The following GLRA3 variants were observed in gnomAD, a reference collection of about 807,000 sequenced individuals.
GLRA3 encodes glycine receptor alpha 3, also known as glycine receptor subunit alpha-3.
GLRA3 carries 44 observed loss-of-function variants against 60.4 expected under a neutral mutation model. That is an observed-to-expected ratio of 0.73 (90% CI 0.57 to 0.94). The LOEUF (loss-of-function observed/expected upper bound fraction) is 0.94, where lower values mean the gene tolerates loss of function less well. GLRA3 is among the 40% of genes least tolerant of loss of function. The probability of loss-of-function intolerance (pLI) is 0.00; values close to 1 mark genes in which losing one functional copy is unlikely to be tolerated. For synonymous variants in GLRA3, 223 were observed against 192.9 expected, an observed-to-expected ratio of 1.16 and a Z score of -1.29; for missense variants, 508 against 564.6, an observed-to-expected ratio of 0.90 and a Z score of 1.02.
intron 1 of GLRA3, among the ~76,000 whole-genome samples, chr4:174,823,018 G>T (rs1318823107): frequency 6.6e-6 from 1 of 152,154 alleles, no homozygotes; most frequent in East Asian, 1.9e-4. Flanking sequence ...TTGAAAATGT[G>T]TGTTGTTGCC....
At chr4:174,802,122 G>C (rs892110038) in intron 1 of GLRA3, among the ~76,000 whole-genome samples, 14 of 151,904 alleles carry the variant, frequency 9.2e-5, no homozygotes, top group Admixed American at 6.6e-5. Context: ...GTCATGCTTT[G>C]AGTACATGTT....
intron 5 of GLRA3, among the ~76,000 whole-genome samples, chr4:174,691,971 C>T (rs999868356): frequency 1.3e-4 from 20 of 152,024 alleles, no homozygotes; most frequent in African/African-American, 3.4e-4. Flanking sequence ...GGCCGCCCAT[C>T]GTCTGAGATA....
chr4:174,696,365 A>T (rs908448818), intron 5 of GLRA3, among the ~76,000 whole-genome samples: 1 of 151,322 alleles, frequency 6.6e-6, no homozygotes, highest in Non-Finnish European at 1.5e-5. Flanking sequence ...AAGAAAAACA[A>T]ATTTTATTAT....
intron 4 of GLRA3, among the ~76,000 whole-genome samples, chr4:174,726,720 A>G (rs147967014): frequency 6.6e-6 from 1 of 152,230 alleles, no homozygotes; most frequent in African/African-American, 2.4e-5. Flanking sequence ...GCATCTCCCT[A>G]AGTTTGTTAT....
At chr4:174,783,285 G>A (rs2111286584) in intron 2 of GLRA3, among the ~76,000 whole-genome samples, 1 of 142,528 alleles carries the variant, frequency 7.0e-6, no homozygotes, top group African/African-American at 2.6e-5. Context: ...GCTGAAACTG[G>A]AACCCTTCCT....
At position 174,677,245 on chromosome 4, in the gene GLRA3, C is replaced by A; in HGVS notation, c.760G>T (p.Gly254Ter). ...ATGTACATCTGGATCAGATAGTATC[C>A]CATTTGTCGCTCCAGATGGAATCGC... Reference protein sequence around the residue: ...EVRFHLERQMGYYLIQMYIPS... With the variant: ...EVRFHLERQM The change falls in exon 7 of 10, where the codon GGA becomes TGA. Residue 254 changes from glycine (G) to a stop codon, truncating the protein, a stop_gained. Coordinates refer to ENST00000274093, the MANE Select transcript of GLRA3 (RefSeq NM_006529.4). LOFTEE classifies it high-confidence loss of function. The A allele has an allele frequency of 6.2e-7, 1 of 1,612,846 alleles. No homozygotes were observed. Among genetic ancestry groups the A allele is most frequent in the Non-Finnish European group, 8.5e-7 (1 of 1,179,052 alleles).
intron 1 of GLRA3, among the ~76,000 whole-genome samples, chr4:174,814,762 C>T (rs1740416680): frequency 1.3e-5 from 2 of 152,170 alleles, no homozygotes; most frequent in East Asian, 3.9e-4. Context: ...GAAAGACCTG[C>T]CCCCATGATT....
chr4:174,660,314 A>T (rs1325638810), intron 7 of GLRA3, among the ~76,000 whole-genome samples: 1 of 152,056 alleles, frequency 6.6e-6, no homozygotes, highest in Admixed American at 6.6e-5. Context: ...TTGTTGCCAT[A>T]TCTCTTTAGT....
intron 6 of GLRA3, among the ~76,000 whole-genome samples, chr4:174,680,590 CAG>C (rs1561051023): frequency 6.6e-6 from 1 of 151,956 alleles, no homozygotes; most frequent in African/African-American, 2.4e-5. Flanking sequence ...CTGAGACAGA[CAG>C]AGATGAGTTT....
intron 5 of GLRA3, among the ~76,000 whole-genome samples, chr4:174,694,116 C>T (rs6553805): frequency 0.98 from 149,068 of 152,252 alleles, 73,048 homozygotes; most frequent in East Asian, 1. Flanking sequence ...CAAAGAGAAA[C>T]AGACTCCCAC....
intron 3 of GLRA3, among the ~76,000 whole-genome samples, chr4:174,748,956 G>A (rs564159921): frequency 6.6e-6 from 1 of 152,244 alleles, no homozygotes. Flanking sequence ...GCCATGATCT[G>A]CTCATTCTGA....
chr4:174,805,808 A>T (rs1740025546), intron 1 of GLRA3, among the ~76,000 whole-genome samples: 1 of 152,204 alleles, frequency 6.6e-6, no homozygotes, highest in African/African-American at 2.4e-5. Flanking sequence ...TATGGATATT[A>T]TAGAAGTTGG....
At position 174,643,940 on chromosome 4, in the gene GLRA3, G is replaced by A. The variant is rs771215209; in HGVS notation, c.1241C>T (p.Pro414Leu). 13 of 1,613,926 alleles carry A rather than the reference G, an allele frequency of 8.1e-6. No homozygotes were observed. The highest frequency in any genetic ancestry group is 9.3e-6 in the Non-Finnish European group (11 of 1,179,984). ...NHPVQVMPKS[P>L]DEMRKVFIDR... Reference sequence around the variant, plus strand: ...GATAAAGACCTTCCTCATTTCATCAGGACTTTTTGGCATTACCTGGACAGG... The same window carrying A: ...GATAAAGACCTTCCTCATTTCATCAAGACTTTTTGGCATTACCTGGACAGG... Residue 414 changes from proline (P) to leucine (L), a missense_variant, in exon 10 of 10, where the codon CCT becomes CTT. This residue lies in a region of GLRA3 where 176 missense variants were observed against 197.9 expected (regional missense o/e 0.89). Transcript: ENST00000274093.
intron 5 of GLRA3, among the ~76,000 whole-genome samples, chr4:174,688,105 T>A (rs943682862): frequency 6.6e-6 from 1 of 151,792 alleles, no homozygotes; most frequent in African/African-American, 2.4e-5. Context: ...TGGCACATAA[T>A]TAACTATGTG....
chr4:174,795,050 GTA>G (rs1253072292), intron 1 of GLRA3, among the ~76,000 whole-genome samples: 2 of 149,916 alleles, frequency 1.3e-5, no homozygotes, highest in Admixed American at 6.7e-5. Context: ...TATTTATATT[GTA>G]TATATATATA....
At chr4:174,736,605 A>G (rs781482869) in intron 3 of GLRA3, among the ~76,000 whole-genome samples, 3 of 152,224 alleles carry the variant, frequency 2.0e-5, no homozygotes, top group Admixed American at 6.5e-5. Context: ...TCCACTTAGC[A>G]TAAGTTTTTA....
chr4:174,689,136 A>C (rs1257635213), intron 5 of GLRA3, among the ~76,000 whole-genome samples: 1 of 152,218 alleles, frequency 6.6e-6, no homozygotes, highest in Non-Finnish European at 1.5e-5. Flanking sequence ...TAAAACAATT[A>C]AATATAGCTT....
At chr4:174,690,397 T>G (rs1734748594) in intron 5 of GLRA3, among the ~76,000 whole-genome samples, 1 of 152,212 alleles carries the variant, frequency 6.6e-6, no homozygotes, top group Admixed American at 6.5e-5. Flanking sequence ...ATGGACAATT[T>G]AGATGAATGG....
chr4:174,738,781 C>A lies in GLRA3; in HGVS notation c.268-10083G>T, dbSNP rs75425561. Among the ~76,000 whole-genome samples the A allele has an allele frequency of 3.2e-3, 486 of 152,208 alleles. 7 individuals are homozygous for A. Among genetic ancestry groups the A allele is most frequent in the Admixed American group, 0.022 (339 of 15,288 alleles). On this transcript the variant is annotated intron_variant, in intron 3 of 9. Transcript: ENST00000274093. ...CATGTACTAAATTAAGCATCTTTACCAGTGGTGTATTGTAGGACAAGAACA... is the reference window on the plus strand; with the variant it reads ...CATGTACTAAATTAAGCATCTTTACAAGTGGTGTATTGTAGGACAAGAACA...
Sources: gnomAD v4.1 joint callset for allele counts (sites outside exome capture counted in the v4.1 genomes callset) on GRCh38, gnomAD v4.1.1 for gene constraint, gnomAD v4.1.1 regional missense constraint, MANE v1.5 for transcripts, NCBI Gene and HGNC (gene_info 2026-07-23, HGNC 2026-07-21) for gene names.